ATP8B1: variants seen among roughly 807,000 people sequenced by gnomAD.
ATP8B1 encodes the protein ATPase phospholipid transporting 8B1.
Under a neutral mutation model 149.9 loss-of-function variants are expected in ATP8B1, and 80 were observed. That is an observed-to-expected ratio of 0.53 (90% CI 0.45 to 0.64). ATP8B1 has a LOEUF of 0.64. ATP8B1 is among the 30% of genes least tolerant of loss of function. ATP8B1 has a pLI of 0.00. For synonymous variants in ATP8B1, 536 were observed against 562.8 expected (o/e 0.95, Z 0.67); for missense variants, 1,247 against 1,552.6 (o/e 0.80, Z 3.31).
intron 1 of ATP8B1, among the ~76,000 whole-genome samples, chr18:57,777,737 T>G (rs901854771): frequency 1.3e-5 from 2 of 152,030 alleles, no homozygotes; most frequent in South Asian, 4.1e-4. Context: ...CCCAGCTAAT[T>G]TTTTGTAGTT....
chr18:57,706,448 A>G lies in ATP8B1; in HGVS notation c.279+42T>C, dbSNP rs775518994. On this transcript the variant is annotated intron_variant, in intron 3 of 27. Transcript: ENST00000648908. ...GTAAGCATGCCAGCTACTGGAAAAAACTGCATTTTAATGAAAACAATTCAG... is the reference window on the plus strand; with the variant it reads ...GTAAGCATGCCAGCTACTGGAAAAAGCTGCATTTTAATGAAAACAATTCAG... 1.9e-6 allele frequency: 3 copies of G among 1,564,696 alleles called. No homozygotes were observed. In the Admixed American group the frequency reaches 5.0e-5, roughly 26 times the overall value.
chr18:57,704,719 G>T, intron 3 of ATP8B1, 51 bp from the exon 4 acceptor site: 1 of 1,153,136 alleles, frequency 8.7e-7, no homozygotes, highest in Non-Finnish European at 1.3e-6. Flanking sequence ...TTATCACAAT[G>T]TATACACATC....
At chr18:57,778,585 A>G (rs2080331540) in intron 1 of ATP8B1, among the ~76,000 whole-genome samples, 1 of 152,098 alleles carries the variant, frequency 6.6e-6, no homozygotes, top group South Asian at 2.1e-4. Flanking sequence ...GTCTCCTCCC[A>G]AGGCTGCAGT....
At chr18:57,756,291 G>GTGTATATATATATATATATATATATA (rs2080080739) in intron 1 of ATP8B1, among the ~76,000 whole-genome samples, 2 of 27,152 alleles carry the variant, frequency 7.4e-5, no homozygotes, top group African/African-American at 2.0e-4. Flanking sequence ...ATATATATGT[G>GTGTATATATATATATATATATATATA]TGTGTGTATG....
intron 1 of ATP8B1, among the ~76,000 whole-genome samples, chr18:57,732,281 GTA>G (rs1404326427): frequency 8.2e-5 from 2 of 24,266 alleles, no homozygotes; most frequent in Non-Finnish European, 2.0e-4. Context: ...GTATATATGT[GTA>G]TATATGTATA....
At chr18:57,674,386 C>CTTTTTTTTTT (rs36078409) in intron 16 of ATP8B1, among the ~76,000 whole-genome samples, 1 of 128,398 alleles carries the variant, frequency 7.8e-6, no homozygotes, top group Non-Finnish European at 1.6e-5. Context: ...ATACCAGTTT[C>CTTTTTTTTTT]TTTTTTTTTT....
intron 23 of ATP8B1, among the ~76,000 whole-genome samples, chr18:57,654,521 G>A (rs1261083620): frequency 6.6e-6 from 1 of 151,816 alleles, no homozygotes; most frequent in Non-Finnish European, 1.5e-5. Context: ...GTTTCACCAT[G>A]TTGGCCAGGT....
chr18:57,674,424 G>C (rs1347972454), intron 16 of ATP8B1, among the ~76,000 whole-genome samples: 2 of 120,848 alleles, frequency 1.7e-5, no homozygotes, highest in African/African-American at 3.1e-5. Context: ...TTGCTTTATC[G>C]CCCAGGCTGG....
intron 23 of ATP8B1, among the ~76,000 whole-genome samples, chr18:57,654,619 C>T (rs1909862123): frequency 6.7e-6 from 1 of 149,856 alleles, no homozygotes; most frequent in Non-Finnish European, 1.5e-5. Flanking sequence ...GCACCCAGCC[C>T]TGTTATCGCT....
At chr18:57,704,006 G>A (rs1056578906) in intron 4 of ATP8B1, among the ~76,000 whole-genome samples, 1 of 152,024 alleles carries the variant, frequency 6.6e-6, no homozygotes, top group Admixed American at 6.6e-5. Context: ...AGCTCTTGTT[G>A]TCCAAGCTGG....
At position 57,647,459 on chromosome 18, in the gene ATP8B1, C is replaced by T. The variant is rs747176979; in HGVS notation, c.*1029G>A. ...TATCAACTTTGAAAAAGTGATTGAACGAACCACTTAGCTTTCAGATGATGA... is the reference window on the plus strand; with the variant it reads ...TATCAACTTTGAAAAAGTGATTGAATGAACCACTTAGCTTTCAGATGATGA... On this transcript the variant is annotated 3_prime_UTR_variant, in exon 28 of 28. Coordinates refer to ENST00000648908, the MANE Select transcript of ATP8B1 (RefSeq NM_001374385.1). 2 of 152,064 alleles carry T rather than the reference C, an allele frequency of 1.3e-5. No homozygotes were observed. The highest frequency in any genetic ancestry group is 2.4e-5 in the African/African-American group (1 of 41,402). 9.4% of individuals were successfully genotyped at this position (152,064 alleles called of 1,614,324 possible).
chr18:57,773,698 G>T (rs550270093), intron 1 of ATP8B1, among the ~76,000 whole-genome samples: 7 of 152,144 alleles, frequency 4.6e-5, no homozygotes, highest in African/African-American at 1.7e-4. Context: ...GCTTCCTCAC[G>T]TCAGTAAAAG....
intron 1 of ATP8B1, among the ~76,000 whole-genome samples, chr18:57,744,712 A>C (rs910933116): frequency 6.6e-6 from 1 of 152,268 alleles, no homozygotes; most frequent in African/African-American, 2.4e-5. Context: ...TATAATTGAC[A>C]GCTACCTGGA....
chr18:57,692,993 A>G (rs910511512), intron 11 of ATP8B1, among the ~76,000 whole-genome samples: 3 of 152,218 alleles, frequency 2.0e-5, no homozygotes, highest in African/African-American at 7.2e-5. Flanking sequence ...CAAAAGTGCT[A>G]TATCTCACAA....
intron 15 of ATP8B1, among the ~76,000 whole-genome samples, chr18:57,678,165 G>A (rs1395503963): frequency 1.3e-5 from 2 of 152,082 alleles, no homozygotes; most frequent in Non-Finnish European, 2.9e-5. Flanking sequence ...AATTAACTCA[G>A]GAACAGAAGA....
chr18:57,679,033 T>C (rs1911782421), intron 15 of ATP8B1, among the ~76,000 whole-genome samples: 1 of 143,452 alleles, frequency 7.0e-6, no homozygotes, highest in African/African-American at 2.6e-5. Context: ...TGACCTTTCG[T>C]CCTGGCTAAC....
intron 1 of ATP8B1, among the ~76,000 whole-genome samples, chr18:57,777,358 T>C (rs1395607989): frequency 6.6e-6 from 1 of 152,206 alleles, no homozygotes. Flanking sequence ...CAATCTGTTA[T>C]ATATCTACCA....
chr18:57,733,264 C>A (rs1197063347), intron 1 of ATP8B1, among the ~76,000 whole-genome samples: 1 of 152,172 alleles, frequency 6.6e-6, no homozygotes, highest in Non-Finnish European at 1.5e-5. Context: ...TAACTGCATG[C>A]CAAGCCTTGC....
chr18:57,722,174 C>G (rs1351467209), intron 2 of ATP8B1, among the ~76,000 whole-genome samples: 6 of 150,410 alleles, frequency 4.0e-5, no homozygotes, highest in South Asian at 2.1e-4. Flanking sequence ...ACCCTAACAT[C>G]ACAATTAAAA....
Sources: gnomAD v4.1 joint callset for allele counts (sites outside exome capture counted in the v4.1 genomes callset) on GRCh38, gnomAD v4.1.1 for gene constraint, MANE v1.5 for transcripts, NCBI Gene and HGNC (gene_info 2026-07-23, HGNC 2026-07-21) for gene names.